EFCAB6: variants seen among roughly 807,000 people sequenced by gnomAD.
EFCAB6 encodes the protein EF-hand calcium binding domain 6, also known as EF-hand calcium-binding domain-containing protein 6.
EFCAB6 carries 156 observed loss-of-function variants against 169.8 expected under a neutral mutation model. That is an observed-to-expected ratio of 0.92 (90% confidence interval 0.81 to 1.05). EFCAB6 has a LOEUF of 1.05. Among genes scored for constraint, EFCAB6 ranks in the 50% least tolerant of loss-of-function variants. The pLI, the probability that EFCAB6 is intolerant of heterozygous loss-of-function variation, is 0.00. For missense variants in EFCAB6, 1,800 were observed against 1,829.1 expected, an observed-to-expected ratio of 0.98 and a Z score of 0.29; for synonymous variants, 698 against 676.4, an observed-to-expected ratio of 1.03 and a Z score of -0.50.
At chr22:43,619,967 A>C (rs930273116) in intron 20 of EFCAB6, among the ~76,000 whole-genome samples, 1 of 152,214 alleles carries the variant, frequency 6.6e-6, no homozygotes, top group Non-Finnish European at 1.5e-5. Context: ...AAACAAATCA[A>C]ATCATAAATT....
intron 2 of EFCAB6, among the ~76,000 whole-genome samples, chr22:43,799,476 T>C (rs2062627386): frequency 6.6e-6 from 1 of 152,190 alleles, no homozygotes; most frequent in African/African-American, 2.4e-5. Context: ...TTAGTTAATA[T>C]TGACTTTAGT....
At chr22:43,801,122 T>G (rs555929558) in intron 2 of EFCAB6, among the ~76,000 whole-genome samples, 2 of 152,202 alleles carry the variant, frequency 1.3e-5, no homozygotes, top group Non-Finnish European at 2.9e-5. Flanking sequence ...CCCATTCATC[T>G]GGCAACAGAC....
intron 10 of EFCAB6, among the ~76,000 whole-genome samples, chr22:43,688,478 C>T (rs1206123068): frequency 6.6e-6 from 1 of 152,158 alleles, no homozygotes; most frequent in East Asian, 1.9e-4. Context: ...GACTCAGAGT[C>T]CAATAATTTC....
chr22:43,613,888 A>G (rs1209296211), intron 21 of EFCAB6, among the ~76,000 whole-genome samples: 1 of 152,120 alleles, frequency 6.6e-6, no homozygotes. Flanking sequence ...GCTACTTGGG[A>G]GGCTGAGGTA....
intron 24 of EFCAB6, among the ~76,000 whole-genome samples, chr22:43,588,131 G>A (rs573784756): frequency 1.6e-3 from 241 of 152,210 alleles, no homozygotes; most frequent in African/African-American, 5.7e-3. Context: ...TACTGACATT[G>A]GGGGCCCCCA....
intron 17 of EFCAB6, among the ~76,000 whole-genome samples, chr22:43,637,607 C>T (rs937421131): frequency 6.6e-5 from 10 of 152,180 alleles, no homozygotes; most frequent in African/African-American, 2.4e-4. Context: ...GCAGTGCTGC[C>T]CAAGGAGACC....
chr22:43,731,630 T>TTC (rs2059952856), intron 8 of EFCAB6, 69 bp downstream of exon 8: 1 of 883,406 alleles, frequency 1.1e-6, no homozygotes, highest in Non-Finnish European at 1.7e-6. Context: ...TCAGGAATGA[T>TTC]CCAAAGAACA....
intron 13 of EFCAB6, 141 bp from the exon 14 acceptor site, chr22:43,672,446 G>A (rs765381365): frequency 5.2e-6 from 4 of 769,854 alleles, no homozygotes; most frequent in African/African-American, 1.8e-5. Flanking sequence ...AACGGAGCTT[G>A]CCCTCTAATA....
At chr22:43,549,210 C>T (rs192958990) in intron 27 of EFCAB6, among the ~76,000 whole-genome samples, 4 of 151,854 alleles carry the variant, frequency 2.6e-5, no homozygotes, top group East Asian at 1.9e-4. Context: ...TAAACTAAAG[C>T]GGAAGGAATA....
At position 43,623,488 on chromosome 22, in the gene EFCAB6, A is replaced by G. The variant is rs113234625; in HGVS notation, c.2465+2959T>C. ...AACAAGAGAGTGTCCTCTTTTCAGC[A>G]AAGTTATGAACTCTCAACATTTTCC... is the stretch of plus-strand genomic sequence containing the variant. On this transcript the variant is annotated intron_variant, in intron 20 of 31. Coordinates refer to ENST00000262726, the MANE Select transcript of EFCAB6 (RefSeq NM_022785.4). Among the ~76,000 whole-genome samples, 150 of 152,342 alleles carry G rather than the reference A, an allele frequency of 9.8e-4. 1 individual carries two copies. Among genetic ancestry groups the G allele is most frequent in the African/African-American group, 2.9e-3 (122 of 41,578 alleles).
At chr22:43,787,463 C>A (rs1259567793) in intron 2 of EFCAB6, among the ~76,000 whole-genome samples, 1 of 151,130 alleles carries the variant, frequency 6.6e-6, no homozygotes, top group African/African-American at 2.4e-5. Context: ...CTCTATATAC[C>A]TACAATGAAC....
chr22:43,660,791 G>T (rs1556012784), intron 17 of EFCAB6, among the ~76,000 whole-genome samples: 1 of 152,172 alleles, frequency 6.6e-6, no homozygotes, highest in Non-Finnish European at 1.5e-5. Context: ...CATGCATGAA[G>T]ATGTACCTGG....
chr22:43,595,641 G>C (rs1381251472), intron 23 of EFCAB6, among the ~76,000 whole-genome samples: 1 of 152,044 alleles, frequency 6.6e-6, no homozygotes, highest in Non-Finnish European at 1.5e-5. Context: ...GGACCTGATG[G>C]CTTCACTGCT....
chr22:43,537,502 T>A lies in EFCAB6; in HGVS notation c.3923A>T (p.Gln1308Leu). ...TTVIPGTPPL[Q>L]NCDPIESRLR... ...CCTGCTCTCTATGGGATCACAGTTC[T>A]GCAAGGGTGGAGTGCCCGGGATCAC... Residue 1308 changes from glutamine to leucine, a missense_variant, in exon 29 of 32, where the codon CAG (glutamine) becomes CTG (leucine). By Grantham distance (113) the Gln-to-Leu change is moderately radical. Coordinates refer to ENST00000262726, the MANE Select transcript of EFCAB6 (RefSeq NM_022785.4). This position sits in a 1 kb window ranked among gnomAD's most constrained non-coding sequence, Gnocchi z 4.3. The A allele has an allele frequency of 3.1e-6, 5 of 1,614,016 alleles. No homozygotes were observed. Among genetic ancestry groups the A allele is most frequent in the Non-Finnish European group, 4.2e-6 (5 of 1,179,992 alleles).
chr22:43,577,754 T>C (rs2050353765), intron 25 of EFCAB6, among the ~76,000 whole-genome samples: 1 of 152,030 alleles, frequency 6.6e-6, no homozygotes, highest in African/African-American at 2.4e-5. Flanking sequence ...AGGAGCCTCC[T>C]GCAAAGCTCA....
intron 13 of EFCAB6, among the ~76,000 whole-genome samples, chr22:43,675,432 T>C (rs1271641310): frequency 7.9e-6 from 1 of 126,852 alleles, no homozygotes; most frequent in East Asian, 2.1e-4. Context: ...TAATATAATA[T>C]AGGATTATAA....
chr22:43,541,027 G>A (rs2047685146), intron 27 of EFCAB6, among the ~76,000 whole-genome samples: 2 of 152,186 alleles, frequency 1.3e-5, no homozygotes, highest in South Asian at 4.1e-4. Context: ...TAACTGGAGG[G>A]CTTTCAGGGA....
chr22:43,650,835 A>G (rs137750), intron 17 of EFCAB6, among the ~76,000 whole-genome samples: 91,366 of 151,998 alleles, frequency 0.6, 27,891 homozygotes, highest in East Asian at 0.77. Context: ...AAAGACTGGC[A>G]GCATTTTGCC....
intron 20 of EFCAB6, 85 bp downstream of exon 20, chr22:43,626,362 C>G: frequency 7.5e-7 from 1 of 1,332,720 alleles, no homozygotes; most frequent in Non-Finnish European, 1.0e-6. Flanking sequence ...CTTTGTATCC[C>G]TTTGCGGACG....
Sources: gnomAD v4.1 joint callset for allele counts (sites outside exome capture counted in the v4.1 genomes callset) on GRCh38, gnomAD v4.1.1 for gene constraint, Gnocchi (gnomAD v3.1) non-coding constraint, MANE v1.5 for transcripts, NCBI Gene and HGNC (gene_info 2026-07-23, HGNC 2026-07-21) for gene names.